OPRD1: variants seen among roughly 807,000 people sequenced by gnomAD.
The protein encoded by OPRD1 is delta-type opioid receptor.
In OPRD1, 19 loss-of-function variants were observed where a neutral mutation model predicts 17.5. The ratio of observed to expected loss-of-function variants is 1.09; its 90% CI spans 0.76 to 1.60. OPRD1 has a LOEUF of 1.60. Ranked by LOEUF, OPRD1 falls within the 40% of genes most tolerant of loss-of-function variation. The pLI, the probability that OPRD1 is intolerant of heterozygous loss-of-function variation, is 0.00. For missense variants in OPRD1, 483 were observed against 547.2 expected, an observed-to-expected ratio of 0.88 and a Z score of 1.17; for synonymous variants, 256 against 240.9, an observed-to-expected ratio of 1.06 and a Z score of -0.58.
chr1:28,831,040 T>A (rs1414643125), intron 1 of OPRD1, among the ~76,000 whole-genome samples: 1 of 152,226 alleles, frequency 6.6e-6, no homozygotes, highest in Non-Finnish European at 1.5e-5. Flanking sequence ...GCAGGACAGA[T>A]GGAGATAATC....
chr1:28,813,244 G>T (rs2236861), intron 1 of OPRD1, among the ~76,000 whole-genome samples: 1 of 152,090 alleles, frequency 6.6e-6, no homozygotes, highest in African/African-American at 2.4e-5. Context: ...CGGAGTGGCC[G>T]TCGTCCCTGT....
intron 1 of OPRD1, among the ~76,000 whole-genome samples, chr1:28,834,241 G>T (rs1569621841): frequency 6.6e-6 from 1 of 151,940 alleles, no homozygotes; most frequent in African/African-American, 2.4e-5. Flanking sequence ...TGACAGTGCT[G>T]CTGCTTGTTT....
At position 28,858,865 on chromosome 1, in the gene OPRD1, T is replaced by A. The variant is rs16837737; in HGVS notation, c.228-89T>A. ...CTAGCCTCCCCTGACCTTTTGCATG[T>A]CCTTAGGAAAGCTACTTCCCTTCCT... On this transcript the variant is annotated intron_variant, in intron 1 of 2. Coordinates refer to ENST00000234961, the MANE Select transcript of OPRD1 (RefSeq NM_000911.4). 5.3e-3 allele frequency: 6,884 copies of A among 1,294,008 alleles called. 199 individuals are homozygous for A. In the African/African-American group the frequency reaches 0.072, roughly 14 times the overall value. The allele number at this position is 1,294,008 out of a possible 1,614,324, so 80.2% of individuals were successfully genotyped here.
At chr1:28,862,660 G>A in intron 2 of OPRD1, 82 bp from the exon 3 acceptor site, 1 of 1,371,620 alleles carries the variant, frequency 7.3e-7, no homozygotes. Context: ...CCCAAGCCTT[G>A]AAAGGGTGGG....
At chr1:28,856,683 G>A (rs2089060786) in intron 1 of OPRD1, among the ~76,000 whole-genome samples, 1 of 152,226 alleles carries the variant, frequency 6.6e-6, no homozygotes, top group Non-Finnish European at 1.5e-5. Flanking sequence ...GCCCTGCCCA[G>A]GCCCTGGTGC....
intron 1 of OPRD1, among the ~76,000 whole-genome samples, chr1:28,847,286 AGGT>A (rs936963290): frequency 6.6e-6 from 1 of 152,080 alleles, no homozygotes; most frequent in African/African-American, 2.4e-5. Flanking sequence ...TCCTGACTTC[AGGT>A]GATCTGCCTG....
chr1:28,856,532 C>G (rs968701667), intron 1 of OPRD1, among the ~76,000 whole-genome samples: 1 of 152,180 alleles, frequency 6.6e-6, no homozygotes, highest in African/African-American at 2.4e-5. Flanking sequence ...TAACCCTCCT[C>G]TGGGTATCTC....
At chr1:28,861,650 G>A (rs1302543007) in intron 2 of OPRD1, among the ~76,000 whole-genome samples, 3 of 151,966 alleles carry the variant, frequency 2.0e-5, no homozygotes, top group African/African-American at 7.3e-5. Flanking sequence ...TTGCCATGTT[G>A]CCCAGGCTGG....
chr1:28,836,111 T>A (rs2124271769), intron 1 of OPRD1, among the ~76,000 whole-genome samples: 1 of 152,320 alleles, frequency 6.6e-6, no homozygotes, highest in South Asian at 2.1e-4. Context: ...TGGAGCAATT[T>A]TAACAGACAT....
In OPRD1 at chr1:28,859,315, A is replaced by C. The variant is rs780082975; in HGVS notation, c.577+12A>C. 1.9e-6 allele frequency: 3 copies of C among 1,603,950 alleles called. No homozygotes were observed. The highest frequency in any genetic ancestry group is 2.6e-6 in the Non-Finnish European group (3 of 1,174,144). On this transcript the variant is annotated intron_variant, in intron 2 of 2. Transcript: ENST00000234961. Reference sequence around the variant, plus strand: ...GACCCGTCCCCGGGGTGAGTGAGTGAGTGCACCATGGCACAGGCCACTGAC... The same window carrying C: ...GACCCGTCCCCGGGGTGAGTGAGTGCGTGCACCATGGCACAGGCCACTGAC...
chr1:28,843,002 G>T (rs2124276732), intron 1 of OPRD1, among the ~76,000 whole-genome samples: 2 of 152,050 alleles, frequency 1.3e-5, no homozygotes, highest in Admixed American at 1.3e-4. Context: ...AAAATACCAG[G>T]TCAGGGAGTA....
chr1:28,812,954 G>A (rs1234055669), intron 1 of OPRD1, among the ~76,000 whole-genome samples: 1 of 152,210 alleles, frequency 6.6e-6, no homozygotes, highest in East Asian at 1.9e-4. Context: ...CAGTACAACT[G>A]TATGTTTGGA....
At chr1:28,842,017 C>T (rs888475629) in intron 1 of OPRD1, among the ~76,000 whole-genome samples, 1 of 151,112 alleles carries the variant, frequency 6.6e-6, no homozygotes, top group African/African-American at 2.4e-5. Flanking sequence ...AGTCATTGTG[C>T]CGGCCTTATT....
intron 1 of OPRD1, among the ~76,000 whole-genome samples, chr1:28,832,110 A>G (rs1435635512): frequency 6.6e-6 from 1 of 152,130 alleles, no homozygotes; most frequent in African/African-American, 2.4e-5. Flanking sequence ...CCATGAAGCA[A>G]TGTCCATGAA....
intron 1 of OPRD1, among the ~76,000 whole-genome samples, chr1:28,850,060 G>T (rs554986): frequency 0.48 from 72,113 of 151,682 alleles, 18,738 homozygotes; most frequent in East Asian, 0.87. Context: ...TTTTGTATTT[G>T]TAGTGGAGAC....
In OPRD1 at chr1:28,812,578, G is replaced by A. The variant is rs372531343; in HGVS notation, c.195G>A (p.Leu65=). The change falls in exon 1 of 3, where the codon CTG becomes CTA. Residue 65 remains leucine, a synonymous_variant. Coordinates refer to ENST00000234961, the MANE Select transcript of OPRD1 (RefSeq NM_000911.4). ...LYSAVCAVGL[L]GNVLVMFGIV... ...CGGCCGTGTGCGCCGTGGGGCTGCT[G>A]GGCAACGTGCTTGTCATGTTCGGCA... The A allele has an allele frequency of 8.3e-6, 13 of 1,570,526 alleles. No individual in the cohort carries two copies. Among genetic ancestry groups the A allele is most frequent in the Non-Finnish European group, 1.1e-5 (13 of 1,165,282 alleles).
Position 28,868,475 on chromosome 1 carries a change from G to C in OPRD1, c.*5192G>C, listed in dbSNP as rs1004134738. The C allele has an allele frequency of 4.6e-5, 7 of 152,230 alleles. No homozygotes were observed. Among genetic ancestry groups the C allele is most frequent in the African/African-American group, 1.2e-4 (5 of 41,460 alleles). The allele number at this position is 152,230 out of a possible 1,614,324, so 9.4% of individuals were successfully genotyped here. A position where few individuals can be genotyped will look rare whatever the true frequency, so the allele number is the denominator to read the frequency against. Reference sequence around the variant, plus strand: ...GGCACATAGTGGGGCCTCGATACAGGCTTATTCTCTGATAATTACACGTGT... The same window carrying C: ...GGCACATAGTGGGGCCTCGATACAGCCTTATTCTCTGATAATTACACGTGT... On this transcript the variant is annotated 3_prime_UTR_variant, in exon 3 of 3. Transcript: ENST00000234961.
At chr1:28,823,926 G>A (rs1422070284) in intron 1 of OPRD1, among the ~76,000 whole-genome samples, 5 of 148,084 alleles carry the variant, frequency 3.4e-5, no homozygotes, top group African/African-American at 1.2e-4. Flanking sequence ...ACCTGTAATC[G>A]CAGCACTTTG....
Position 28,845,518 on chromosome 1 carries a change from AGTT to A in OPRD1, c.228-13421_228-13419del, listed in dbSNP as rs568487849. On this transcript the variant is annotated intron_variant, in intron 1 of 2. Transcript: ENST00000234961. ...AAATTGATATAGTCCAACTTAATGT[AGTT>A]GTTGTTGTTGTTGTGGCCTAGGCTT... Among the ~76,000 whole-genome samples, 53 of 151,716 alleles carry A rather than the reference AGTT, an allele frequency of 3.5e-4. No homozygotes were observed. The South Asian group carries it at 9.2e-3, about 26-fold the overall frequency.
Sources: allele counts gnomAD v4.1 joint callset (sites outside exome capture counted in the v4.1 genomes callset), GRCh38; gene constraint gnomAD v4.1.1; transcripts MANE v1.5; gene names NCBI Gene and HGNC (gene_info 2026-07-23, HGNC 2026-07-21).